Variants in PLK1 observed in about 807,000 individuals in gnomAD.
PLK1 encodes polo like kinase 1.
PLK1 carries 6 observed loss-of-function variants against 56.7 expected under a neutral mutation model. That is an observed-to-expected ratio of 0.11 (90% confidence interval 0.06 to 0.21). PLK1 has a LOEUF of 0.21. Ranked by LOEUF, PLK1 falls within the 10% of genes least tolerant of loss-of-function variation. The probability of loss-of-function intolerance (pLI) is 1.00; values close to 1 mark genes in which losing one functional copy is unlikely to be tolerated. For missense variants in PLK1, 546 were observed against 814.4 expected (o/e 0.67, Z 4.01); for synonymous variants, 298 against 325.0 (o/e 0.92, Z 0.89).
chr16:23,684,047 C>G lies in PLK1; in HGVS notation c.994C>G (p.Leu332Val), dbSNP rs45489499. 27 of 1,614,216 alleles carry G rather than the reference C, an allele frequency of 1.7e-5. No individual in the cohort carries two copies. The highest frequency in any genetic ancestry group is 2.2e-5 in the Non-Finnish European group (26 of 1,180,040). The change falls in exon 5 of 10, where the codon CTG becomes GTG. Residue 332 changes from leucine (L) to valine (V), a missense_variant. By Grantham distance (32) the Leu-to-Val change is conservative. Coordinates refer to ENST00000300093, the MANE Select transcript of PLK1 (RefSeq NM_005030.6). ...AAGGTTTTCGATTGCTCCCAGCAGC[C>G]TGGACCCCAGCAACCGGAAGCCCCT... ...PPRFSIAPSS[L>V]DPSNRKPLTV...
Position 23,690,231 on chromosome 16 carries a change from T to C in PLK1, c.*168T>C. 1 of 627,450 alleles carries C rather than the reference T, an allele frequency of 1.6e-6. No individual in the cohort carries two copies. The highest frequency in any genetic ancestry group is 2.9e-6 in the Non-Finnish European group (1 of 349,312). 38.9% of individuals were successfully genotyped at this position (627,450 alleles called of 1,614,324 possible). On this transcript the variant is annotated 3_prime_UTR_variant, in exon 10 of 10. Transcript: ENST00000300093. ...GGGGTTGCTGTATAAGTTATTTTTG[T>C]ACATGTTCGGGTGTGGGTTCTACAG...
At chr16:23,685,665 A>C (rs1039482844) in intron 5 of PLK1, among the ~76,000 whole-genome samples, 1 of 151,232 alleles carries the variant, frequency 6.6e-6, no homozygotes, top group Non-Finnish European at 1.5e-5. Flanking sequence ...CCGAGGTCTC[A>C]CCACTGCACT....
At chr16:23,679,487 G>A (rs1468179684) in intron 1 of PLK1, 147 bp downstream of exon 1, 1 of 702,016 alleles carries the variant, frequency 1.4e-6, no homozygotes, top group Non-Finnish European at 2.3e-6. Flanking sequence ...GCTTACGTAT[G>A]GAAAGTGTCT....
chr16:23,683,928 C>T lies in PLK1; in HGVS notation c.875C>T (p.Ala292Val), dbSNP rs1397343920. ...IQKMLQTDPT[A>V]RPTINELLND... ...AAGATGCTTCAGACAGATCCCACTG[C>T]CCGCCCAACCATTAACGAGCTGCTT... Residue 292 changes from alanine (A) to valine (V), a missense_variant, in exon 5 of 10, where the codon GCC becomes GTC. This residue lies in a region of PLK1 where 157 missense variants were observed against 184.0 expected (regional missense o/e 0.85). Coordinates refer to ENST00000300093, the MANE Select transcript of PLK1 (RefSeq NM_005030.6). 1 of 1,614,042 alleles carries T rather than the reference C, an allele frequency of 6.2e-7. No homozygotes were observed. The highest frequency in any genetic ancestry group is 1.7e-5 in the Admixed American group (1 of 59,996).
At position 23,687,488 on chromosome 16, in the gene PLK1, T is replaced by C; in HGVS notation, c.1056T>C (p.Pro352=). 1 of 1,591,396 alleles carries C rather than the reference T, an allele frequency of 6.3e-7. No individual in the cohort carries two copies. The highest frequency in any genetic ancestry group is 8.6e-7 in the Non-Finnish European group (1 of 1,165,538). ...TCCTAGGCTTGGAGAACCCCCTGCC[T>C]GAGCGTCCCCGGGAAAAAGAAGAAC... The part of the protein sequence containing the change: ...VLNKGLENPL[P]ERPREKEEPV... Residue 352 remains proline (P), a synonymous_variant, in exon 6 of 10, where the codon CCT becomes CCC. Coordinates refer to ENST00000300093, the MANE Select transcript of PLK1 (RefSeq NM_005030.6).
In PLK1 at chr16:23,689,340, G is replaced by A; in HGVS notation, c.1373G>A (p.Gly458Asp). 1 of 1,613,884 alleles carries A rather than the reference G, an allele frequency of 6.2e-7. No individual in the cohort carries two copies. The highest frequency in any genetic ancestry group is 1.1e-5 in the South Asian group (1 of 91,076). ...GDSLQYIERD[G>D]TESYLTVSSH... ...AGCCTGCAGTACATAGAGCGTGACG[G>A]CACTGAGTCCTACCTCACCGTGAGT... The change falls in exon 8 of 10, where the codon GGC becomes GAC. Residue 458 changes from glycine (G) to aspartate (D), a missense_variant. Coordinates refer to ENST00000300093, the MANE Select transcript of PLK1 (RefSeq NM_005030.6). This position sits in a 1 kb window ranked among gnomAD's most constrained non-coding sequence, Gnocchi z 4.8.
intron 3 of PLK1, 120 bp downstream of exon 3, chr16:23,681,178 G>A (rs1959325589): frequency 8.3e-6 from 7 of 848,448 alleles, no homozygotes; most frequent in Non-Finnish European, 9.7e-6. Context: ...CTACTCCAAG[G>A]GACAAGTCAT....
In PLK1 at chr16:23,687,482, C is replaced by T. The variant is rs755795375; in HGVS notation, c.1050C>T (p.Pro350=). 24 of 1,587,392 alleles carry T rather than the reference C, an allele frequency of 1.5e-5. No individual in the cohort carries two copies. The highest frequency in any genetic ancestry group is 2.1e-5 in the Non-Finnish European group (24 of 1,162,478). Residue 350 remains proline, a synonymous_variant, in exon 6 of 10, where the codon CCC becomes CCT. Transcript: ENST00000300093. ...LTVLNKGLEN[P]LPERPREKEE... ...TCACCTTCCTAGGCTTGGAGAACCC[C>T]CTGCCTGAGCGTCCCCGGGAAAAAG...
rs757818441 is a variant in PLK1, at chr16:23,679,137, G to C, written c.205G>C (p.Glu69Gln). The change falls in exon 1 of 10, where the codon GAG becomes CAG. Residue 69 changes from glutamate to glutamine, a missense_variant. By Grantham distance (29) the Glu-to-Gln change is conservative. Transcript: ENST00000300093. ...CAAGGGCGGCTTTGCCAAGTGCTTC[G>C]AGATCTCGGACGCGGACACCAAGGA... ...LGKGGFAKCF[E>Q]ISDADTKEVF... 3.3e-5 allele frequency: 53 copies of C among 1,612,800 alleles called. No individual in the cohort carries two copies. The highest frequency in any genetic ancestry group is 8.5e-7 in the Non-Finnish European group (1 of 1,179,024).
Position 23,689,976 on chromosome 16 carries a change from G to A in PLK1, c.1725G>A (p.Glu575=). Residue 575 remains glutamate, a synonymous_variant, in exon 10 of 10, where the codon GAG becomes GAA. Coordinates refer to ENST00000300093, the MANE Select transcript of PLK1 (RefSeq NM_005030.6). The surrounding 1 kb of genome is among the most constrained non-coding windows in gnomAD (Gnocchi z 4.8). The part of the protein sequence containing the change: ...SLLEEYGCCK[E]LASRLRYART... ...TGGAGGAGTACGGCTGCTGCAAGGA[G>A]CTGGCCAGCCGGCTCCGCTACGCCC... is the stretch of plus-strand genomic sequence containing the variant. 6.2e-7 allele frequency: 1 copy of A among 1,613,796 alleles called. No homozygotes were observed. Among genetic ancestry groups the A allele is most frequent in the African/African-American group, 1.3e-5 (1 of 75,050 alleles).
In PLK1 at chr16:23,689,382, T is replaced by G; in HGVS notation, c.1415T>G (p.Leu472Trp). 6.2e-7 allele frequency: 1 copy of G among 1,609,640 alleles called. No homozygotes were observed. The highest frequency in any genetic ancestry group is 1.7e-5 in the Admixed American group (1 of 59,962). ...YLTVSSHPNSLMKKITLLKYF... is the reference protein window; with the variant it reads ...YLTVSSHPNSWMKKITLLKYF... Reference sequence around the variant, plus strand: ...ACCGTGAGTTCCCATCCCAACTCCTTGATGAAGAAGGTGAGTGCCGTCCGG... The same window carrying G: ...ACCGTGAGTTCCCATCCCAACTCCTGGATGAAGAAGGTGAGTGCCGTCCGG... The change falls in exon 8 of 10, where the codon TTG becomes TGG. Residue 472 changes from leucine to tryptophan, a missense_variant. Transcript: ENST00000300093. The surrounding 1 kb of genome is among the most constrained non-coding windows in gnomAD (Gnocchi z 4.8).
Position 23,681,038 on chromosome 16 carries a change from G to A in PLK1, c.702G>A (p.Val234=), listed in dbSNP as rs1959323325. The change falls in exon 3 of 10, where the codon GTG becomes GTA. Residue 234 remains valine, a synonymous_variant. Transcript: ENST00000300093. The part of the protein sequence containing the change: ...SKKGHSFEVD[V]WSIGCIMYTL... Reference sequence around the variant, plus strand: ...AAGGGCACAGTTTCGAGGTGGATGTGTGGTCCATTGGGTGTATCATGTAAG... The same window carrying A: ...AAGGGCACAGTTTCGAGGTGGATGTATGGTCCATTGGGTGTATCATGTAAG... The A allele has an allele frequency of 1.2e-6, 2 of 1,613,282 alleles. No homozygotes were observed. The highest frequency in any genetic ancestry group is 1.7e-6 in the Non-Finnish European group (2 of 1,179,716).
chr16:23,690,142 G>A lies in PLK1; in HGVS notation c.*79G>A. 2 of 1,131,038 alleles carry A rather than the reference G, an allele frequency of 1.8e-6. No individual in the cohort carries two copies. The highest frequency in any genetic ancestry group is 1.3e-5 in the South Asian group (1 of 78,010). 70.1% of individuals were successfully genotyped at this position (1,131,038 alleles called of 1,614,324 possible). On this transcript the variant is annotated 3_prime_UTR_variant, in exon 10 of 10. Coordinates refer to ENST00000300093, the MANE Select transcript of PLK1 (RefSeq NM_005030.6). ...GCCCATACTGGTTGGCTCCCGCGGT[G>A]CCATGTCTGCAGTGTGCCCCCCAGC...
At chr16:23,683,171 T>C (rs1476865698) in intron 4 of PLK1, among the ~76,000 whole-genome samples, 1 of 151,756 alleles carries the variant, frequency 6.6e-6, no homozygotes, top group Non-Finnish European at 1.5e-5. Context: ...TTTCTGTATT[T>C]GTGGTAGAGA....
intron 5 of PLK1, among the ~76,000 whole-genome samples, chr16:23,686,417 A>G (rs1427072595): frequency 6.6e-6 from 1 of 152,212 alleles, no homozygotes; most frequent in African/African-American, 2.4e-5. Flanking sequence ...CTAGTTATCA[A>G]CATTTGGACA....
chr16:23,682,174 T>G lies in PLK1; in HGVS notation c.816+17T>G. The G allele has an allele frequency of 7.6e-7, 1 of 1,311,478 alleles. No individual in the cohort carries two copies. The highest frequency in any genetic ancestry group is 1.4e-5 in the African/African-American group (1 of 69,022). 81.2% of individuals were successfully genotyped at this position (1,311,478 alleles called of 1,614,324 possible). A position where few individuals can be genotyped will look rare whatever the true frequency, so the allele number is the denominator to read the frequency against. On this transcript the variant is annotated intron_variant, in intron 4 of 9. Transcript: ENST00000300093. ...ATTCCCAAGGTGACTAATGATGCTT[T>G]AAGTTTACATTTATTTTGTTTTCCC...
intron 5 of PLK1, among the ~76,000 whole-genome samples, chr16:23,685,209 T>A (rs1292528884): frequency 6.6e-6 from 1 of 151,960 alleles, no homozygotes; most frequent in Admixed American, 6.6e-5. Context: ...ATTTTAGGCT[T>A]ATACAGAAAA....
At position 23,684,083 on chromosome 16, in the gene PLK1, A is replaced by G. The variant is rs1023741689; in HGVS notation, c.1030A>G (p.Asn344Asp). 1.2e-6 allele frequency: 2 copies of G among 1,613,386 alleles called. No homozygotes were observed. Among genetic ancestry groups the G allele is most frequent in the Non-Finnish European group, 1.7e-6 (2 of 1,179,344 alleles). Residue 344 changes from asparagine (N) to aspartate (D), a missense_variant, in exon 5 of 10, where the codon AAT becomes GAT. By Grantham distance (23) the Asn-to-Asp change is conservative. Around this residue, in one of 7 missense-constraint regions of PLK1, gnomAD observed 157 missense variants for 184.0 expected, o/e 0.85. Transcript: ENST00000300093. ...PSNRKPLTVLNKGLENPLPER... is the reference protein window; with the variant it reads ...PSNRKPLTVLDKGLENPLPER... ...CAACCGGAAGCCCCTCACAGTCCTC[A>G]ATAAAGGTACAACAAGGGTCTGGGT...
chr16:23,687,500 G>A lies in PLK1; in HGVS notation c.1068G>A (p.Arg356=). The A allele has an allele frequency of 6.3e-7, 1 of 1,596,204 alleles. No homozygotes were observed. Among genetic ancestry groups the A allele is most frequent in the Non-Finnish European group, 8.6e-7 (1 of 1,169,144 alleles). Residue 356 remains arginine, a synonymous_variant, in exon 6 of 10, where the codon CGG becomes CGA. Transcript: ENST00000300093. ...GLENPLPERP[R]EKEEPVVRET... ...AGAACCCCCTGCCTGAGCGTCCCCG[G>A]GAAAAAGAAGAACCAGTGGTTCGAG...
Sources: gnomAD v4.1 joint callset for allele counts (sites outside exome capture counted in the v4.1 genomes callset) on GRCh38, gnomAD v4.1.1 for gene constraint, gnomAD v4.1.1 regional missense constraint, Gnocchi (gnomAD v3.1) non-coding constraint, MANE v1.5 for transcripts, NCBI Gene and HGNC (gene_info 2026-07-23, HGNC 2026-07-21) for gene names.